The following CTNNA2 variants were observed in gnomAD, a reference collection of about 807,000 sequenced individuals.
CTNNA2 encodes the protein catenin alpha-2.
In CTNNA2, 42 loss-of-function variants were observed where a neutral mutation model predicts 101.0. The observed-to-expected ratio is 0.42, with a 90% CI of 0.32 to 0.54. The LOEUF is 0.54. CTNNA2 is among the 20% of genes least tolerant of loss of function. CTNNA2 has a pLI of 0.14. For synonymous variants in CTNNA2, 450 were observed against 456.4 expected (o/e 0.99, Z 0.18); for missense variants, 871 against 1,223.1 (o/e 0.71, Z 4.29).
intron 2 of CTNNA2, among the ~76,000 whole-genome samples, chr2:79,671,826 A>G (rs1316332731): frequency 6.6e-6 from 1 of 152,194 alleles, no homozygotes; most frequent in African/African-American, 2.4e-5. Context: ...AAGAGATGGA[A>G]CTTCACATTG....
chr2:79,242,634 C>A (rs970856518), intron 2 of CTNNA2, among the ~76,000 whole-genome samples: 17 of 152,090 alleles, frequency 1.1e-4, no homozygotes, highest in Non-Finnish European at 2.1e-4. Flanking sequence ...TTCCTCCATT[C>A]CACGAAGGTA....
At chr2:80,646,335 T>G (rs1281582603) in intron 18 of CTNNA2, among the ~76,000 whole-genome samples, 1 of 152,118 alleles carries the variant, frequency 6.6e-6, no homozygotes, top group South Asian at 2.1e-4. Flanking sequence ...TAACTGTAAT[T>G]GATATATCTC....
intron 7 of CTNNA2, among the ~76,000 whole-genome samples, chr2:80,096,359 G>T (rs1428270770): frequency 6.6e-6 from 1 of 152,206 alleles, no homozygotes; most frequent in Non-Finnish European, 1.5e-5. Context: ...TTGCACTGTG[G>T]TCTGAGAGAG....
At chr2:79,875,831 C>T (rs905543274) in intron 6 of CTNNA2, among the ~76,000 whole-genome samples, 1 of 151,710 alleles carries the variant, frequency 6.6e-6, no homozygotes, top group African/African-American at 2.4e-5. Context: ...TTGCAGCGAG[C>T]AACTGAAAAT....
chr2:79,518,483 A>G (rs1671924748), intron 1 of CTNNA2, among the ~76,000 whole-genome samples: 1 of 152,224 alleles, frequency 6.6e-6, no homozygotes, highest in Non-Finnish European at 1.5e-5. Flanking sequence ...ATGTATCTGC[A>G]GTAGGTCCAA....
chr2:79,529,335 T>C (rs908895670), intron 1 of CTNNA2, among the ~76,000 whole-genome samples: 2 of 152,196 alleles, frequency 1.3e-5, no homozygotes, highest in African/African-American at 4.8e-5. Flanking sequence ...ACATGTCTTC[T>C]TGTGCGAAAC....
intron 7 of CTNNA2, among the ~76,000 whole-genome samples, chr2:80,046,427 T>A (rs945722343): frequency 6.6e-6 from 1 of 152,142 alleles, no homozygotes; most frequent in Admixed American, 6.6e-5. Flanking sequence ...CTATCTAGTA[T>A]AATTGAAAAG....
At chr2:79,567,977 A>G (rs1171156791) in intron 1 of CTNNA2, among the ~76,000 whole-genome samples, 1 of 152,162 alleles carries the variant, frequency 6.6e-6, no homozygotes, top group Non-Finnish European at 1.5e-5. Context: ...GAAGGTAGAC[A>G]TTGAAGACCT....
At chr2:79,453,661 A>G (rs1170624602) in intron 4 of CTNNA2, among the ~76,000 whole-genome samples, 3 of 152,142 alleles carry the variant, frequency 2.0e-5, no homozygotes, top group Non-Finnish European at 2.9e-5. Context: ...AACAGTATAT[A>G]TATATTTTTC....
chr2:79,745,082 A>G (rs2104995127), intron 3 of CTNNA2, among the ~76,000 whole-genome samples: 1 of 152,326 alleles, frequency 6.6e-6, no homozygotes, highest in East Asian at 1.9e-4. Flanking sequence ...AGCTAGCTAT[A>G]ATACTGTTGA....
At chr2:80,422,105 T>G (rs1680577460) in intron 9 of CTNNA2, among the ~76,000 whole-genome samples, 2 of 152,280 alleles carry the variant, frequency 1.3e-5, no homozygotes, top group Middle Eastern at 3.4e-3. Flanking sequence ...ACTGGGTAAT[T>G]TATAAATGAA....
intron 3 of CTNNA2, among the ~76,000 whole-genome samples, chr2:79,837,336 G>C (rs1348062908): frequency 6.6e-6 from 1 of 152,168 alleles, no homozygotes; most frequent in Non-Finnish European, 1.5e-5. Context: ...TTTTCTGCCT[G>C]TTTATGTTCT....
At chr2:79,689,526 A>G (rs1016379449) in intron 2 of CTNNA2, among the ~76,000 whole-genome samples, 2 of 152,016 alleles carry the variant, frequency 1.3e-5, no homozygotes, top group Non-Finnish European at 2.9e-5. Context: ...AAATATTATC[A>G]TCCATAACTT....
At chr2:79,760,303 G>A (rs1672702569) in intron 3 of CTNNA2, among the ~76,000 whole-genome samples, 1 of 151,054 alleles carries the variant, frequency 6.6e-6, no homozygotes, top group South Asian at 2.1e-4. Context: ...GTGTGTGTGT[G>A]TGTGTGTGTA....
intron 3 of CTNNA2, among the ~76,000 whole-genome samples, chr2:79,751,682 G>A (rs1330032503): frequency 1.3e-5 from 2 of 151,330 alleles, no homozygotes; most frequent in African/African-American, 2.4e-5. Context: ...TAGACAACAT[G>A]ATGAAAGGAA....
chr2:80,414,155 G>A (rs552857626), intron 8 of CTNNA2, among the ~76,000 whole-genome samples: 2 of 152,294 alleles, frequency 1.3e-5, no homozygotes, highest in East Asian at 3.9e-4. Flanking sequence ...CATCCTGAAG[G>A]AGAAACAGGA....
intron 7 of CTNNA2, among the ~76,000 whole-genome samples, chr2:80,079,425 C>G (rs1698969856): frequency 6.6e-6 from 1 of 152,148 alleles, no homozygotes; most frequent in African/African-American, 2.4e-5. Flanking sequence ...ATGGGAGCTC[C>G]TACTAAGCAC....
intron 1 of CTNNA2, among the ~76,000 whole-genome samples, chr2:79,516,624 A>C (rs1012844664): frequency 3.3e-5 from 5 of 152,160 alleles, no homozygotes; most frequent in Non-Finnish European, 5.9e-5. Context: ...TGTGGGATCC[A>C]TTTCATTACA....
chr2:80,292,276 C>T (rs1040381978), intron 7 of CTNNA2, among the ~76,000 whole-genome samples: 1 of 152,006 alleles, frequency 6.6e-6, no homozygotes. Context: ...TTATAACAAC[C>T]CTATGTCCAT....
Sources: allele counts gnomAD v4.1 joint callset (sites outside exome capture counted in the v4.1 genomes callset), GRCh38; gene constraint gnomAD v4.1.1; transcripts MANE v1.5; gene names NCBI Gene and HGNC (gene_info 2026-07-23, HGNC 2026-07-21).